Variants in ARHGEF37 observed in about 807,000 individuals in gnomAD.
The protein encoded by ARHGEF37 is Rho guanine nucleotide exchange factor (GEF) 37.
ARHGEF37 carries 55 observed loss-of-function variants against 71.1 expected under a neutral mutation model. That is an observed-to-expected ratio of 0.77 (90% CI 0.62 to 0.97). ARHGEF37 has a LOEUF of 0.97. Among genes scored for constraint, ARHGEF37 ranks in the 50% least tolerant of loss-of-function variants. The probability of loss-of-function intolerance (pLI) is 0.00; values close to 1 mark genes in which losing one functional copy is unlikely to be tolerated. For synonymous variants in ARHGEF37, 327 were observed against 350.6 expected (o/e 0.93, Z 0.75); for missense variants, 765 against 836.8 (o/e 0.91, Z 1.06).
At chr5:149,587,785 G>A (rs527426950) in intron 1 of ARHGEF37, among the ~76,000 whole-genome samples, 43 of 152,044 alleles carry the variant, frequency 2.8e-4, no homozygotes, top group African/African-American at 1.0e-3. Flanking sequence ...GAAGCTCTTT[G>A]TACAGGATCC....
At chr5:149,609,840 C>A in intron 4 of ARHGEF37, 145 bp downstream of exon 4, 1 of 1,148,826 alleles carries the variant, frequency 8.7e-7, no homozygotes, top group Non-Finnish European at 1.2e-6. Flanking sequence ...ATAGGGCAGG[C>A]TGTGCCACAG....
chr5:149,551,834 C>G (rs377362152), upstream of ARHGEF37: 3 of 152,148 alleles, frequency 2.0e-5, no homozygotes, highest in Admixed American at 6.5e-5. Flanking sequence ...TTCTTCTGGC[C>G]GTTCCCCCGG....
chr5:149,562,413 C>G (rs1233474591), intron 1 of ARHGEF37, among the ~76,000 whole-genome samples: 3 of 152,140 alleles, frequency 2.0e-5, no homozygotes, highest in African/African-American at 7.2e-5. Flanking sequence ...AGAGCTTACC[C>G]AAGAACACCA....
intron 11 of ARHGEF37, among the ~76,000 whole-genome samples, chr5:149,628,188 G>A (rs925281436): frequency 3.7e-4 from 57 of 152,168 alleles, no homozygotes; most frequent in African/African-American, 1.3e-3. Flanking sequence ...TGCTGACTGT[G>A]TGATCTCAGG....
chr5:149,618,447 A>C, intron 6 of ARHGEF37, 141 bp downstream of exon 6: 1 of 1,323,036 alleles, frequency 7.6e-7, no homozygotes, highest in Non-Finnish European at 1.0e-6. Context: ...GAAGAGGCAG[A>C]GGTGGCACCC....
rs756776211 is a variant in ARHGEF37 at position 149,618,233 on chromosome 5, A to G, written c.716A>G (p.Asn239Ser). 1.2e-5 allele frequency: 20 copies of G among 1,614,048 alleles called. No individual in the cohort carries two copies. The highest frequency in any genetic ancestry group is 1.6e-4 in the Middle Eastern group (1 of 6,084). The change falls in exon 6 of 13, where the codon AAC (asparagine) becomes AGC (serine). Residue 239 changes from asparagine to serine, a missense_variant. Physicochemically the swap from Asn to Ser is conservative, Grantham distance 46. Around this residue, in one of 5 missense-constraint regions of ARHGEF37, gnomAD observed 167 missense variants for 173.3 expected, o/e 0.96. Coordinates refer to ENST00000333677, the MANE Select transcript of ARHGEF37 (RefSeq NM_001001669.3). ...LTLRERLARI[N>S]THTLSKKTTR... ...CTCCGGGAGCGGCTGGCCCGCATCA[A>G]CACACACACCCTCTCCAAGAAGACC...
chr5:149,614,524 C>T (rs1056118762), intron 4 of ARHGEF37, among the ~76,000 whole-genome samples: 9 of 152,172 alleles, frequency 5.9e-5, no homozygotes, highest in Admixed American at 4.6e-4. Flanking sequence ...AAGGAAAGTA[C>T]GCGGTCATCT....
chr5:149,595,968 C>T (rs1371068354), intron 1 of ARHGEF37, among the ~76,000 whole-genome samples: 1 of 148,164 alleles, frequency 6.7e-6, no homozygotes, highest in Non-Finnish European at 1.5e-5. Context: ...TTTCCTGATC[C>T]ACCATTTCAC....
intron 3 of ARHGEF37, among the ~76,000 whole-genome samples, chr5:149,604,802 C>A (rs1433703570): frequency 6.6e-6 from 1 of 151,150 alleles, no homozygotes; most frequent in Non-Finnish European, 1.5e-5. Flanking sequence ...CATGTCTCAG[C>A]CTGCCAGGTA....
At chr5:149,573,766 C>T (rs1006023857) in intron 1 of ARHGEF37, among the ~76,000 whole-genome samples, 2 of 152,088 alleles carry the variant, frequency 1.3e-5, no homozygotes, top group East Asian at 3.8e-4. Context: ...TATATATTTA[C>T]ATATATAATC....
At chr5:149,576,236 C>T (rs370264343) in intron 1 of ARHGEF37, among the ~76,000 whole-genome samples, 9 of 152,338 alleles carry the variant, frequency 5.9e-5, no homozygotes, top group African/African-American at 2.2e-4. Context: ...CAAAGCGAGA[C>T]TCCGTCTCAA....
At chr5:149,628,661 A>G in intron 11 of ARHGEF37, 148 bp from the exon 12 acceptor site, 1 of 1,021,290 alleles carries the variant, frequency 9.8e-7, no homozygotes, top group Non-Finnish European at 1.4e-6. Context: ...AGTGTGGGGC[A>G]GGGGGGTTCA....
At chr5:149,598,759 GATAT>G (rs3073460) in intron 2 of ARHGEF37, among the ~76,000 whole-genome samples, 2 of 120,716 alleles carry the variant, frequency 1.7e-5, no homozygotes, top group Non-Finnish European at 3.5e-5. Flanking sequence ...TCTATATATA[GATAT>G]AGATATAGAT....
Position 149,624,047 on chromosome 5 carries a change from G to A in ARHGEF37, c.1371G>A (p.Arg457=). 12 of 1,607,004 alleles carry A rather than the reference G, an allele frequency of 7.5e-6. No homozygotes were observed. The highest frequency in any genetic ancestry group is 1.0e-5 in the Non-Finnish European group (12 of 1,174,122). Residue 457 remains arginine, a synonymous_variant, in exon 10 of 13, where the codon AGG becomes AGA. Coordinates refer to ENST00000333677, the MANE Select transcript of ARHGEF37 (RefSeq NM_001001669.3). ...PHHHVPEPAF[R]KLVEDALGRT... Reference sequence around the variant, plus strand: ...ACCACGTCCCAGAGCCTGCCTTCAGGAAGCTGGTGGAGGACGCACTGGGCC... The same window carrying A: ...ACCACGTCCCAGAGCCTGCCTTCAGAAAGCTGGTGGAGGACGCACTGGGCC...
chr5:149,553,889 C>T (rs142825123), intron 1 of ARHGEF37, among the ~76,000 whole-genome samples: 8 of 152,176 alleles, frequency 5.3e-5, no homozygotes, highest in South Asian at 2.1e-4. Context: ...AAGTTGAGCC[C>T]GGGTGCAGTG....
chr5:149,582,708 T>C (rs1763136820), intron 1 of ARHGEF37, among the ~76,000 whole-genome samples: 1 of 152,124 alleles, frequency 6.6e-6, no homozygotes, highest in Admixed American at 6.5e-5. Flanking sequence ...CCAAGTACAC[T>C]GATTTGATCT....
chr5:149,555,053 C>A (rs1490409752), intron 1 of ARHGEF37, among the ~76,000 whole-genome samples: 1 of 151,458 alleles, frequency 6.6e-6, no homozygotes, highest in Non-Finnish European at 1.5e-5. Flanking sequence ...ATCGCTGGAA[C>A]CCGAGAGGCG....
At chr5:149,622,727 A>G (rs1752581848) in intron 9 of ARHGEF37, among the ~76,000 whole-genome samples, 1 of 152,224 alleles carries the variant, frequency 6.6e-6, no homozygotes, top group Admixed American at 6.5e-5. Context: ...GAAAGCATAA[A>G]TAGGTTCCAC....
intron 2 of ARHGEF37, 61 bp from the exon 3 acceptor site, chr5:149,601,047 G>C: frequency 3.8e-6 from 6 of 1,570,748 alleles, no homozygotes; most frequent in Non-Finnish European, 5.2e-6. Context: ...ACTCTCAAAA[G>C]CCTGCAAATA....
Sources: allele counts gnomAD v4.1 joint callset (sites outside exome capture counted in the v4.1 genomes callset), GRCh38; gene constraint gnomAD v4.1.1; regional missense constraint gnomAD v4.1.1; transcripts MANE v1.5; gene names NCBI Gene and HGNC (gene_info 2026-07-23, HGNC 2026-07-21).